EYS: variants seen among roughly 807,000 people sequenced by gnomAD.
The protein encoded by EYS is EGF-like photoreceptor maintenance factor, also known as protein eyes shut homolog.
A neutral mutation model predicts 282.1 loss-of-function variants in EYS; 250 were observed. The ratio of observed to expected loss-of-function variants is 0.89; its 90% CI spans 0.80 to 0.98. The LOEUF (loss-of-function observed/expected upper bound fraction) is 0.98. EYS is among the 50% of genes least tolerant of loss of function. The probability of loss-of-function intolerance (pLI) is 0.00; values close to 1 mark genes in which losing one functional copy is unlikely to be tolerated. For synonymous variants in EYS, 1,355 were observed against 1,282.9 expected (o/e 1.06, Z -1.20); for missense variants, 4,016 against 3,709.0 (o/e 1.08, Z -2.15).
chr6:64,910,541 TCACAAAGGAATAAA>T (rs1767959105), intron 16 of EYS, among the ~76,000 whole-genome samples: 1 of 152,000 alleles, frequency 6.6e-6, no homozygotes, highest in Non-Finnish European at 1.5e-5. Flanking sequence ...TGAATCACAA[TCACAAAGGAATAAA>T]CACATAATTC....
intron 2 of EYS, among the ~76,000 whole-genome samples, chr6:65,636,190 C>G (rs550710501): frequency 4.6e-5 from 7 of 152,316 alleles, no homozygotes; most frequent in Admixed American, 4.6e-4. Flanking sequence ...AAGGTCATTT[C>G]TCTGCGCAAA....
At chr6:65,492,958 C>T (rs577521511) in intron 4 of EYS, among the ~76,000 whole-genome samples, 1 of 152,076 alleles carries the variant, frequency 6.6e-6, no homozygotes, top group Admixed American at 6.6e-5. Flanking sequence ...CCTTCATCGC[C>T]CAGGCTGGAG....
intron 26 of EYS, among the ~76,000 whole-genome samples, chr6:64,512,105 G>GCACA (rs1469162114): frequency 6.6e-6 from 1 of 151,784 alleles, no homozygotes; most frequent in Non-Finnish European, 1.5e-5. Flanking sequence ...ACACATTTAT[G>GCACA]CACACATACA....
chr6:64,552,160 C>G (rs539389944), intron 26 of EYS, among the ~76,000 whole-genome samples: 48 of 152,266 alleles, frequency 3.2e-4, no homozygotes, highest in African/African-American at 1.2e-3. Flanking sequence ...ATACCTCCCT[C>G]CTGTTGGATT....
intron 28 of EYS, among the ~76,000 whole-genome samples, chr6:64,405,757 A>T (rs1216319367): frequency 6.6e-6 from 1 of 152,212 alleles, no homozygotes; most frequent in Non-Finnish European, 1.5e-5. Context: ...AATACCTAGG[A>T]TTCAAACTTA....
intron 26 of EYS, among the ~76,000 whole-genome samples, chr6:64,467,011 G>T (rs1017952187): frequency 1.3e-5 from 2 of 152,088 alleles, no homozygotes; most frequent in Admixed American, 6.5e-5. Flanking sequence ...GGTATCCAAA[G>T]TTCACTACAA....
chr6:64,372,041 G>T (rs373403830), intron 29 of EYS, among the ~76,000 whole-genome samples: 14 of 149,344 alleles, frequency 9.4e-5, no homozygotes, highest in African/African-American at 2.9e-4. Context: ...GACATGTGCA[G>T]ATTTGATCTT....
At chr6:65,175,157 C>T (rs1227273117) in intron 12 of EYS, among the ~76,000 whole-genome samples, 1 of 151,172 alleles carries the variant, frequency 6.6e-6, no homozygotes, top group Non-Finnish European at 1.5e-5. Flanking sequence ...ATGGTTCTAT[C>T]ACAAACAAAA....
intron 12 of EYS, among the ~76,000 whole-genome samples, chr6:65,184,798 C>A (rs1372284811): frequency 1.3e-5 from 2 of 151,378 alleles, no homozygotes; most frequent in South Asian, 2.1e-4. Flanking sequence ...AATATAAAAC[C>A]TCAAATAAAT....
chr6:65,174,554 T>C (rs1300019433), intron 12 of EYS, among the ~76,000 whole-genome samples: 2 of 151,268 alleles, frequency 1.3e-5, no homozygotes, highest in East Asian at 2.0e-4. Context: ...TCAACAGTAG[T>C]TGGAAAAAGT....
chr6:63,834,526 TG>T (rs1338671981), intron 36 of EYS, among the ~76,000 whole-genome samples: 1 of 151,776 alleles, frequency 6.6e-6, no homozygotes, highest in African/African-American at 2.4e-5. Flanking sequence ...CCAGTTAGAA[TG>T]GCAATCATTA....
chr6:64,178,436 G>C (rs1764697087), intron 31 of EYS, among the ~76,000 whole-genome samples: 1 of 151,926 alleles, frequency 6.6e-6, no homozygotes, highest in Non-Finnish European at 1.5e-5. Flanking sequence ...AATTAGTTTG[G>C]GTTGCTTAAA....
intron 22 of EYS, among the ~76,000 whole-genome samples, chr6:64,809,244 C>T (rs1386523094): frequency 6.6e-6 from 1 of 151,608 alleles, no homozygotes; most frequent in African/African-American, 2.4e-5. Flanking sequence ...AATTCTGTAA[C>T]AATAAAAAGA....
At chr6:64,164,235 C>T (rs540226979) in intron 31 of EYS, among the ~76,000 whole-genome samples, 1 of 152,082 alleles carries the variant, frequency 6.6e-6, no homozygotes, top group Non-Finnish European at 1.5e-5. Flanking sequence ...TATCCCAGCA[C>T]AGAGTTTGTT....
chr6:64,703,995 C>T (rs911723145), intron 22 of EYS, among the ~76,000 whole-genome samples: 1 of 151,934 alleles, frequency 6.6e-6, no homozygotes, highest in Admixed American at 6.6e-5. Flanking sequence ...CCATATGTCT[C>T]ACAATGTATT....
intron 13 of EYS, among the ~76,000 whole-genome samples, chr6:65,028,815 T>C (rs1772507098): frequency 1.3e-5 from 2 of 152,102 alleles, no homozygotes; most frequent in Non-Finnish European, 1.5e-5. Context: ...TGTTAAAGAA[T>C]CTTTCACCCA....
rs370602813 is a variant in EYS, at chr6:65,344,120, T to C, written c.1517A>G (p.Asn506Ser). The change falls in exon 10 of 43, where the codon AAC becomes AGC. Residue 506 changes from asparagine (N) to serine (S), a missense_variant. Transcript: ENST00000503581. The part of the protein sequence containing the change: ...VIDAYFFLAA[N>S]CTEDATYVND... ...CACATAGGTTGCATCTTCAGTGCAG[T>C]TTGCAGCCAGAAAGAAATAGGCATC... The C allele has an allele frequency of 2.5e-6, 4 of 1,610,456 alleles. No homozygotes were observed. The highest frequency in any genetic ancestry group is 3.4e-6 in the Non-Finnish European group (4 of 1,177,668).
chr6:65,586,001 G>A (rs1351665721), intron 2 of EYS, among the ~76,000 whole-genome samples: 5 of 151,944 alleles, frequency 3.3e-5, no homozygotes, highest in Non-Finnish European at 2.9e-5. Flanking sequence ...ATAGAAGGAG[G>A]AAAATCAATA....
intron 8 of EYS, among the ~76,000 whole-genome samples, chr6:65,380,133 T>C (rs74699842): frequency 0.011 from 1,717 of 152,048 alleles, 36 homozygotes; most frequent in African/African-American, 0.039. Flanking sequence ...AAATTTCATA[T>C]GCAACAAAAA....
Sources: gnomAD v4.1 joint callset for allele counts (sites outside exome capture counted in the v4.1 genomes callset) on GRCh38, gnomAD v4.1.1 for gene constraint, MANE v1.5 for transcripts, NCBI Gene and HGNC (gene_info 2026-07-23, HGNC 2026-07-21) for gene names.